TRANK1: variants seen among roughly 807,000 people sequenced by gnomAD.
The protein encoded by TRANK1 is tetratricopeptide repeat and ankyrin repeat containing 1, also known as TPR and ankyrin repeat-containing protein 1.
A neutral mutation model predicts 266.0 loss-of-function variants in TRANK1; 198 were observed. The observed-to-expected ratio is 0.74, with a 90% CI of 0.66 to 0.84. The LOEUF is 0.84. Ranked by LOEUF, TRANK1 falls within the 40% of genes least tolerant of loss-of-function variation. The probability of loss-of-function intolerance (pLI) is 0.00; values close to 1 mark genes in which losing one functional copy is unlikely to be tolerated. For synonymous variants in TRANK1, 1,396 were observed against 1,384.1 expected (o/e 1.01, Z -0.19); for missense variants, 3,326 against 3,634.6 (o/e 0.92, Z 2.18).
intron 1 of TRANK1, among the ~76,000 whole-genome samples, chr3:36,928,189 C>A (rs566293327): frequency 6.6e-6 from 1 of 152,154 alleles, no homozygotes; most frequent in South Asian, 2.1e-4. Flanking sequence ...GCCTGCAAAA[C>A]CAAGGTACGC....
chr3:36,889,001 G>T (rs2079648303), intron 8 of TRANK1, among the ~76,000 whole-genome samples: 1 of 152,110 alleles, frequency 6.6e-6, no homozygotes, highest in Admixed American at 6.5e-5. Flanking sequence ...AGCCAAGATT[G>T]TGCCACTGCA....
chr3:36,945,501 C>T (rs2276808), upstream of TRANK1, among the ~76,000 whole-genome samples: 71,017 of 151,970 alleles, frequency 0.47, 17,875 homozygotes, highest in Non-Finnish European at 0.56. Flanking sequence ...GCTGGGGGTC[C>T]GGGAGTGAAG....
chr3:36,838,634 T>C lies in TRANK1; in HGVS notation c.5363A>G (p.Lys1788Arg), dbSNP rs2078802399. The change falls in exon 19 of 24, where the codon AAA (lysine) becomes AGA (arginine). Residue 1788 changes from lysine (K) to arginine (R), a missense_variant. Lys to Arg is a conservative substitution (Grantham distance 26). Coordinates refer to ENST00000645898, the MANE Select transcript of TRANK1 (RefSeq NM_001329998.2). ...ALAHDTALSM[K>R]SKKVSPKEKQ... The stretch of plus-strand genomic sequence containing the variant: ...TTACTTGGGGCTGACTTTCTTGGAT[T>C]TCATGCTCAGGGCAGTGTCATGGGC... The C allele has an allele frequency of 6.2e-7, 1 of 1,613,866 alleles. No homozygotes were observed. The highest frequency in any genetic ancestry group is 8.5e-7 in the Non-Finnish European group (1 of 1,179,874).
chr3:36,865,346 G>A (rs767612527), intron 9 of TRANK1, among the ~76,000 whole-genome samples: 7 of 152,096 alleles, frequency 4.6e-5, no homozygotes, highest in South Asian at 2.1e-4. Flanking sequence ...TTTAAGCCAC[G>A]AAAATTGGAG....
chr3:36,944,306 G>A (rs942217565), intron 1 of TRANK1, among the ~76,000 whole-genome samples: 14 of 152,142 alleles, frequency 9.2e-5, no homozygotes, highest in Non-Finnish European at 1.5e-4. Context: ...CCGGGAAGAG[G>A]CCAGCGCGCT....
chr3:36,881,159 G>T (rs548119855), intron 8 of TRANK1, among the ~76,000 whole-genome samples: 75 of 151,862 alleles, frequency 4.9e-4, no homozygotes, highest in African/African-American at 1.4e-3. Flanking sequence ...TTCTTTTAAA[G>T]TGTATTATTT....
chr3:36,910,742 AAAAATAAAAT>A (rs772886082), intron 1 of TRANK1, among the ~76,000 whole-genome samples: 27 of 151,098 alleles, frequency 1.8e-4, no homozygotes, highest in Admixed American at 9.3e-4. Context: ...TCTATCTCCA[AAAAATAAAAT>A]AAAATAAAAT....
At chr3:36,900,609 C>G (rs1341593847) in intron 3 of TRANK1, among the ~76,000 whole-genome samples, 1 of 151,934 alleles carries the variant, frequency 6.6e-6, no homozygotes. Flanking sequence ...GGTGTAGTGA[C>G]TCTAGCCTGT....
In TRANK1 at chr3:36,879,851, A is replaced by G. The variant is rs1219726770; in HGVS notation, c.908-5555T>C. On this transcript the variant is annotated intron_variant, in intron 8 of 23. Coordinates refer to ENST00000645898, the MANE Select transcript of TRANK1 (RefSeq NM_001329998.2). The stretch of plus-strand genomic sequence containing the variant: ...ATATGTAAATATACAAATATATGTA[A>G]ATATACAAATATATGTAAACATACA... Among the ~76,000 whole-genome samples, 9 of 112,262 alleles carry G rather than the reference A, an allele frequency of 8.0e-5. 2 individuals carry two copies. The highest frequency in any genetic ancestry group is 3.6e-4 in the African/African-American group (9 of 25,090). 73.6% of individuals were successfully genotyped at this position (112,262 alleles called of 152,430 possible).
At chr3:36,859,389 A>G (rs2079104045) in intron 11 of TRANK1, among the ~76,000 whole-genome samples, 1 of 151,772 alleles carries the variant, frequency 6.6e-6, no homozygotes, top group African/African-American at 2.4e-5. Flanking sequence ...CACCTACATT[A>G]GGTATTTCTC....
chr3:36,935,445 CTTTTTTTTTTTT>C (rs11374436), intron 1 of TRANK1, among the ~76,000 whole-genome samples: 2 of 83,720 alleles, frequency 2.4e-5, no homozygotes, highest in Non-Finnish European at 4.5e-5. Flanking sequence ...TGCCTGAATT[CTTTTTTTTTTTT>C]TTTTTTTTTT....
At chr3:36,858,402 CA>C (rs1366368831) in intron 12 of TRANK1, among the ~76,000 whole-genome samples, 2 of 152,178 alleles carry the variant, frequency 1.3e-5, no homozygotes, top group Non-Finnish European at 2.9e-5. Context: ...AATGACCATA[CA>C]AGATTCTAGC....
intron 16 of TRANK1, 48 bp from the exon 17 acceptor site, chr3:36,846,452 T>C (rs745980020): frequency 2.6e-6 from 4 of 1,567,190 alleles, no homozygotes; most frequent in Admixed American, 1.9e-5. Flanking sequence ...TGTCTATAGC[T>C]ACAAAGTGAC....
rs371435380 is a variant in TRANK1, at chr3:36,831,218, C to G, written c.8365G>C (p.Ala2789Pro). ...ACCTCGGAAGCTGCCCCCTCAAACG[C>G]TTTGCTGGGGCTGAAATAGTTCTCT... is the stretch of plus-strand genomic sequence containing the variant. ...GPENYFSPSK[A>P]FEGAASEVAV... The change falls in exon 22 of 24, where the codon GCG becomes CCG. Residue 2789 changes from alanine (A) to proline (P), a missense_variant. By Grantham distance (27) the Ala-to-Pro change is conservative. Transcript: ENST00000645898. This position sits in a 1 kb window ranked among gnomAD's most constrained non-coding sequence, Gnocchi z 5.0. 4 of 1,613,768 alleles carry G rather than the reference C, an allele frequency of 2.5e-6. No individual in the cohort carries two copies. The highest frequency in any genetic ancestry group is 3.4e-6 in the Non-Finnish European group (4 of 1,179,900).
intron 1 of TRANK1, among the ~76,000 whole-genome samples, chr3:36,934,474 A>G (rs2080397630): frequency 6.6e-6 from 1 of 152,100 alleles, no homozygotes; most frequent in Non-Finnish European, 1.5e-5. Context: ...TCTCTCATTC[A>G]TTAAAAACGA....
At chr3:36,876,874 C>T (rs1227271658) in intron 8 of TRANK1, among the ~76,000 whole-genome samples, 1 of 152,180 alleles carries the variant, frequency 6.6e-6, no homozygotes, top group Non-Finnish European at 1.5e-5. Context: ...TCCAACCTCA[C>T]TCCTTCAATT....
chr3:36,923,244 C>A (rs1040955011), intron 1 of TRANK1, among the ~76,000 whole-genome samples: 6 of 142,162 alleles, frequency 4.2e-5, no homozygotes, highest in Admixed American at 7.9e-5. Context: ...CCACCTACAA[C>A]TGTCTTGGTA....
chr3:36,905,334 A>G (rs2079949813), intron 2 of TRANK1, among the ~76,000 whole-genome samples: 1 of 152,040 alleles, frequency 6.6e-6, no homozygotes, highest in Admixed American at 6.5e-5. Flanking sequence ...CTACCCCTCA[A>G]TGTGACAATA....
Position 36,857,465 on chromosome 3 carries a change from A to G in TRANK1, c.2257T>C (p.Cys753Arg). Residue 753 changes from cysteine to arginine, a missense_variant, in exon 13 of 24, where the codon TGT becomes CGT. By Grantham distance (180) the Cys-to-Arg change is radical. Coordinates refer to ENST00000645898, the MANE Select transcript of TRANK1 (RefSeq NM_001329998.2). This position sits in a 1 kb window ranked among gnomAD's most constrained non-coding sequence, Gnocchi z 4.3. ...TCCAGAGGCTCAGAGCTCTGAAGAC[A>G]GTCCTCTGGGAAAGACGGATCCACT... ...VEVDPSFPED[C>R]LQSSEPLEAG... 5 of 1,613,968 alleles carry G rather than the reference A, an allele frequency of 3.1e-6. No individual in the cohort carries two copies. The highest frequency in any genetic ancestry group is 3.4e-6 in the Non-Finnish European group (4 of 1,179,866).
Sources: allele counts gnomAD v4.1 joint callset (sites outside exome capture counted in the v4.1 genomes callset), GRCh38; gene constraint gnomAD v4.1.1; non-coding constraint Gnocchi (gnomAD v3.1); transcripts MANE v1.5; gene names NCBI Gene and HGNC (gene_info 2026-07-23, HGNC 2026-07-21).